Variants in CDC20B observed in about 807,000 individuals in gnomAD.
CDC20B encodes cell division cycle 20B.
Under a neutral mutation model 64.1 loss-of-function variants are expected in CDC20B, and 58 were observed. The observed-to-expected ratio is 0.90, with a 90% confidence interval of 0.73 to 1.13. CDC20B has a LOEUF of 1.13. Ranked by LOEUF, CDC20B falls within the 50% of genes most tolerant of loss-of-function variation. The probability of loss-of-function intolerance (pLI) is 0.00; values close to 1 mark genes in which losing one functional copy is unlikely to be tolerated. For synonymous variants in CDC20B, 243 were observed against 230.6 expected (o/e 1.05, Z -0.49); for missense variants, 597 against 633.0 (o/e 0.94, Z 0.61).
chr5:55,133,421 T>A lies in CDC20B; in HGVS notation c.688A>T (p.Asn230Tyr). The A allele has an allele frequency of 1.3e-6, 2 of 1,527,316 alleles. No homozygotes were observed. Among genetic ancestry groups the A allele is most frequent in the Non-Finnish European group, 1.8e-6 (2 of 1,115,682 alleles). 94.6% of individuals were successfully genotyped at this position (1,527,316 alleles called of 1,614,324 possible). The change falls in exon 6 of 12, where the codon AAT (asparagine) becomes TAT (tyrosine). Residue 230 changes from asparagine (N) to tyrosine (Y), a missense_variant. Physicochemically the swap from Asn to Tyr is moderately radical, Grantham distance 143. Around this residue, in one of 3 missense-constraint regions of CDC20B, gnomAD observed 353 missense variants for 397.0 expected, o/e 0.89. Coordinates refer to ENST00000381375, the MANE Select transcript of CDC20B (RefSeq NM_001170402.1). ...EVKIHITGLR[N>Y]DYYLNILDWS... ...CTAAATGATAACTTACAGTAGTCAT[T>A]TCGAAGACCAGTAATATGAATCTTC...
At chr5:55,134,969 A>C (rs934374159) in intron 5 of CDC20B, among the ~76,000 whole-genome samples, 4 of 152,214 alleles carry the variant, frequency 2.6e-5, no homozygotes, top group African/African-American at 9.6e-5. Flanking sequence ...ATAGTGATAC[A>C]TGTCATTATA....
chr5:55,141,254 A>G (rs1297562023), intron 4 of CDC20B, among the ~76,000 whole-genome samples: 1 of 152,180 alleles, frequency 6.6e-6, no homozygotes, highest in Non-Finnish European at 1.5e-5. Flanking sequence ...ACACAGCTGC[A>G]AGACTGGCTC....
intron 6 of CDC20B, among the ~76,000 whole-genome samples, chr5:55,130,605 T>C (rs541537780): frequency 6.6e-6 from 1 of 152,316 alleles, no homozygotes; most frequent in South Asian, 2.1e-4. Context: ...AACAGAAGTC[T>C]GTGCCAACTG....
chr5:55,168,913 C>A (rs185427568), intron 2 of CDC20B, among the ~76,000 whole-genome samples: 2 of 152,272 alleles, frequency 1.3e-5, no homozygotes, highest in African/African-American at 4.8e-5. Context: ...GAAGCCCAAA[C>A]CCCAGCATCG....
intron 2 of CDC20B, among the ~76,000 whole-genome samples, chr5:55,147,174 T>TAC (rs1743510680): frequency 8.6e-6 from 1 of 115,816 alleles, no homozygotes; most frequent in Non-Finnish European, 1.8e-5. Context: ...ATAAATATGT[T>TAC]GTTTTATATA....
rs142925687 is a variant in CDC20B at position 55,135,043 on chromosome 5, T to C, written c.581-1515A>G. 1.6e-3 allele frequency among the ~76,000 whole-genome samples: 249 copies of C among 152,338 alleles called. 1 individual carries two copies. Among genetic ancestry groups the C allele is most frequent in the African/African-American group, 5.3e-3 (222 of 41,582 alleles). ...AACTCTAATGTAAACTATGGACTTT[T>C]GGTGACCATGATGTGTCAGTGTAGG... On this transcript the variant is annotated intron_variant, in intron 5 of 11. Transcript: ENST00000381375.
At chr5:55,151,321 G>T (rs558064840) in intron 2 of CDC20B, among the ~76,000 whole-genome samples, 6 of 152,208 alleles carry the variant, frequency 3.9e-5, no homozygotes, top group Non-Finnish European at 8.8e-5. Flanking sequence ...AACAGAGCAT[G>T]TCTGTGGGCC....
rs1378934570 is a variant in CDC20B, at chr5:55,146,839, A to G, written c.144T>C (p.Asn48=). The G allele has an allele frequency of 6.2e-7, 1 of 1,613,992 alleles. No homozygotes were observed. ...QDSANVLDSV[N]ATYSDFKSNF... ...TGCTCTTAAAGTCAGAATACGTAGC[A>G]TTAACTGAATCGAGTACCTGTTTAA... Residue 48 remains asparagine (N), a synonymous_variant, in exon 3 of 12, where the codon AAT becomes AAC. Transcript: ENST00000381375.
rs894646718 is a variant in CDC20B, at chr5:55,129,273, A to G, written c.698-656T>C. ...CCCTACAATACATTCCGTCCCCATG[A>G]TAAATATAAACTCTGAATGAAATAT... On this transcript the variant is annotated intron_variant, in intron 6 of 11. Transcript: ENST00000381375. Among the ~76,000 whole-genome samples the G allele has an allele frequency of 2.6e-5, 4 of 152,198 alleles. No individual in the cohort carries two copies. In the East Asian group the frequency reaches 5.8e-4, roughly 22 times the overall value.
At chr5:55,171,237 C>T (rs1026755419) in intron 2 of CDC20B, among the ~76,000 whole-genome samples, 7 of 152,136 alleles carry the variant, frequency 4.6e-5, no homozygotes, top group Non-Finnish European at 7.3e-5. Flanking sequence ...CACTTGAACC[C>T]GGGAGCTGGA....
At chr5:55,167,496 G>A (rs1744453133) in intron 2 of CDC20B, among the ~76,000 whole-genome samples, 1 of 152,180 alleles carries the variant, frequency 6.6e-6, no homozygotes, top group African/African-American at 2.4e-5. Flanking sequence ...CAATGTAAAT[G>A]CTCATGCTCC....
intron 7 of CDC20B, 91 bp from the exon 8 acceptor site, chr5:55,127,442 T>C (rs977545967): frequency 1.3e-5 from 12 of 952,994 alleles, no homozygotes; most frequent in African/African-American, 3.2e-5. Context: ...ACTGCTGATA[T>C]TGTTAGTTTT....
chr5:55,162,888 C>T (rs1216435762), intron 2 of CDC20B, among the ~76,000 whole-genome samples: 2 of 152,044 alleles, frequency 1.3e-5, no homozygotes, highest in African/African-American at 4.8e-5. Context: ...ATCATAGAGC[C>T]CAAAGGTTAA....
At chr5:55,161,139 G>A (rs1744032917) in intron 2 of CDC20B, 3 of 1,614,160 alleles carry the variant, frequency 1.9e-6, no homozygotes, top group South Asian at 1.1e-5. Context: ...TCGGAGCCCC[G>A]CCCAAGCAAG....
At chr5:55,167,351 T>C (rs1174705580) in intron 2 of CDC20B, among the ~76,000 whole-genome samples, 1 of 152,230 alleles carries the variant, frequency 6.6e-6, no homozygotes, top group Non-Finnish European at 1.5e-5. Flanking sequence ...TTACACTGTA[T>C]CAATAGTATA....
Position 55,128,502 on chromosome 5 carries a change from G to A in CDC20B, c.813C>T (p.Leu271=), listed in dbSNP as rs1423291485. 6.2e-7 allele frequency: 1 copy of A among 1,612,060 alleles called. No homozygotes were observed. Among genetic ancestry groups the A allele is most frequent in the African/African-American group, 1.3e-5 (1 of 74,870 alleles). The part of the protein sequence containing the change: ...HNGIENIDLS[L]TCNYISSVSW... Reference sequence around the variant, plus strand: ...ACACAGAAGAGATATAGTTACAAGTGAGACTTAAGTCTATGTTTTCAATCC... The same window carrying A: ...ACACAGAAGAGATATAGTTACAAGTAAGACTTAAGTCTATGTTTTCAATCC... The change falls in exon 7 of 12, where the codon CTC becomes CTT. Residue 271 remains leucine, a synonymous_variant. Coordinates refer to ENST00000381375, the MANE Select transcript of CDC20B (RefSeq NM_001170402.1).
At chr5:55,156,198 A>G (rs1331469370) in intron 2 of CDC20B, among the ~76,000 whole-genome samples, 1 of 152,154 alleles carries the variant, frequency 6.6e-6, no homozygotes, top group East Asian at 1.9e-4. Context: ...CACTACCACA[A>G]GAACAGTATA....
chr5:55,153,214 G>A (rs1340846073), intron 2 of CDC20B, among the ~76,000 whole-genome samples: 1 of 143,394 alleles, frequency 7.0e-6, no homozygotes, highest in African/African-American at 2.6e-5. Context: ...TCTCCAACCT[G>A]GGCGATATAG....
At chr5:55,166,146 A>C (rs2111597964) in intron 2 of CDC20B, 1 of 152,288 alleles carries the variant, frequency 6.6e-6, no homozygotes, top group South Asian at 2.1e-4. Flanking sequence ...GGGGTGTTTT[A>C]TGCATTCACG....
Sources: allele counts gnomAD v4.1 joint callset (sites outside exome capture counted in the v4.1 genomes callset), GRCh38; gene constraint gnomAD v4.1.1; regional missense constraint gnomAD v4.1.1; transcripts MANE v1.5; gene names NCBI Gene and HGNC (gene_info 2026-07-23, HGNC 2026-07-21).